The following ATP11A variants were observed in gnomAD, a reference collection of about 807,000 sequenced individuals.
The protein encoded by ATP11A is phospholipid-transporting ATPase IH.
A neutral mutation model predicts 154.4 loss-of-function variants in ATP11A; 81 were observed. That is an observed-to-expected ratio of 0.52 (90% CI 0.44 to 0.63). The LOEUF is 0.63. Ranked by LOEUF, ATP11A falls within the 30% of genes least tolerant of loss-of-function variation. The probability of loss-of-function intolerance (pLI) is 0.00; values close to 1 mark genes in which losing one functional copy is unlikely to be tolerated. For missense variants in ATP11A, 1,316 were observed against 1,474.3 expected (o/e 0.89, Z 1.76); for synonymous variants, 623 against 585.9 (o/e 1.06, Z -0.91).
At chr13:112,740,809 G>A (rs1238151736) in intron 1 of ATP11A, among the ~76,000 whole-genome samples, 1 of 152,210 alleles carries the variant, frequency 6.6e-6, no homozygotes, top group East Asian at 1.9e-4. Flanking sequence ...GGCTGTGCAG[G>A]AAAGATCTAG....
At position 112,845,467 on chromosome 13, in the gene ATP11A, T is replaced by C. The variant is rs568328596; in HGVS notation, c.1809+3088T>C. Among the ~76,000 whole-genome samples the C allele has an allele frequency of 1.3e-4, 13 of 101,240 alleles. 2 individuals are homozygous for C. The highest frequency in any genetic ancestry group is 7.7e-4 in the African/African-American group (13 of 16,880). 66.4% of individuals were successfully genotyped at this position (101,240 alleles called of 152,430 possible). ...CAGTTGCCAGCACTAGCGGTACTAT[T>C]CAGTCCAGTTGCCAGGCACTAGTGG... On this transcript the variant is annotated intron_variant, in intron 17 of 29. Transcript: ENST00000375645.
intron 1 of ATP11A, among the ~76,000 whole-genome samples, chr13:112,736,171 C>T (rs1250667151): frequency 1.3e-5 from 2 of 152,200 alleles, no homozygotes; most frequent in African/African-American, 4.8e-5. Context: ...GAGCCCTGAT[C>T]CAACCACACT....
chr13:112,751,658 A>AAAAACAAAAC (rs910520013), intron 1 of ATP11A, among the ~76,000 whole-genome samples: 1 of 151,756 alleles, frequency 6.6e-6, no homozygotes, highest in Non-Finnish European at 1.5e-5. Context: ...GCTCCATCTC[A>AAAAACAAAAC]AAAACAAAAC....
At chr13:112,787,369 C>T (rs1478923843) in intron 2 of ATP11A, among the ~76,000 whole-genome samples, 2 of 135,394 alleles carry the variant, frequency 1.5e-5, no homozygotes, top group South Asian at 2.2e-4. Context: ...TGCGTAGACT[C>T]CTGTGGAGAC....
At chr13:112,710,895 G>A (rs1411805769) in intron 1 of ATP11A, among the ~76,000 whole-genome samples, 1 of 151,934 alleles carries the variant, frequency 6.6e-6, no homozygotes, top group Non-Finnish European at 1.5e-5. Context: ...CCCGCGTCAT[G>A]TGAGGGGGCA....
At chr13:112,719,326 A>G (rs562375847) in intron 1 of ATP11A, among the ~76,000 whole-genome samples, 24 of 152,360 alleles carry the variant, frequency 1.6e-4, no homozygotes, top group African/African-American at 5.5e-4. Context: ...AATGCCTTGC[A>G]TGCCTTTGTT....
chr13:112,864,578 C>T (rs2080253154), intron 25 of ATP11A, among the ~76,000 whole-genome samples: 1 of 59,436 alleles, frequency 1.7e-5, no homozygotes, highest in South Asian at 5.8e-4. Context: ...AGCTTCCCAG[C>T]GGGGTCCATC....
At chr13:112,863,838 C>G (rs113014625) in intron 25 of ATP11A, among the ~76,000 whole-genome samples, 3 of 62,870 alleles carry the variant, frequency 4.8e-5, no homozygotes, top group Admixed American at 2.1e-4. Flanking sequence ...CCATCACCAC[C>G]TGCGCAGTAA....
At chr13:112,880,765 G>A (rs2080861806) in intron 29 of ATP11A, 2 of 1,163,196 alleles carry the variant, frequency 1.7e-6, no homozygotes, top group South Asian at 1.6e-5. Flanking sequence ...GTGAGAAAGA[G>A]CAGCCCTCTT....
At chr13:112,876,008 GT>G in intron 28 of ATP11A, 67 bp downstream of exon 28, 1 of 1,526,510 alleles carries the variant, frequency 6.6e-7, no homozygotes, top group Admixed American at 1.8e-5. Flanking sequence ...GGAGATGACC[GT>G]TTTGAAAGAC....
At chr13:112,823,550 C>A in intron 9 of ATP11A, 141 bp downstream of exon 9, 1 of 634,328 alleles carries the variant, frequency 1.6e-6, no homozygotes, top group Non-Finnish European at 2.7e-6. Context: ...AGTTCTGCCC[C>A]ACTGAGATTT....
At chr13:112,806,744 C>G (rs1217887724) in intron 4 of ATP11A, among the ~76,000 whole-genome samples, 1 of 152,042 alleles carries the variant, frequency 6.6e-6, no homozygotes, top group African/African-American at 2.4e-5. Context: ...CAGTTTTACT[C>G]TCTACGTATC....
intron 19 of ATP11A, among the ~76,000 whole-genome samples, chr13:112,855,690 C>G (rs910693702): frequency 1.3e-5 from 2 of 152,192 alleles, no homozygotes; most frequent in East Asian, 3.8e-4. Context: ...AGAGTCTGCA[C>G]TTGCTTTACC....
intron 1 of ATP11A, among the ~76,000 whole-genome samples, chr13:112,769,978 G>A (rs1025937996): frequency 1.6e-4 from 24 of 151,902 alleles, no homozygotes; most frequent in Admixed American, 2.0e-4. Flanking sequence ...TGAAATCAGC[G>A]TTACGTTTGC....
intron 8 of ATP11A, among the ~76,000 whole-genome samples, chr13:112,820,571 G>A (rs959004444): frequency 1.3e-5 from 2 of 152,204 alleles, no homozygotes; most frequent in Non-Finnish European, 1.5e-5. Flanking sequence ...CTATGGCCCC[G>A]AGGCAGCCTC....
intron 1 of ATP11A, among the ~76,000 whole-genome samples, chr13:112,705,929 C>T (rs996851516): frequency 6.6e-6 from 1 of 152,126 alleles, no homozygotes; most frequent in Non-Finnish European, 1.5e-5. Flanking sequence ...CATTGTGAAG[C>T]GTACAGTTCC....
At chr13:112,719,344 C>A (rs1047861819) in intron 1 of ATP11A, among the ~76,000 whole-genome samples, 1 of 152,194 alleles carries the variant, frequency 6.6e-6, no homozygotes, top group East Asian at 1.9e-4. Context: ...GTTATATTCT[C>A]ACGTAATCTT....
At chr13:112,870,898 C>T (rs537416333) in intron 25 of ATP11A, among the ~76,000 whole-genome samples, 17 of 152,302 alleles carry the variant, frequency 1.1e-4, no homozygotes, top group South Asian at 8.3e-4. Flanking sequence ...GCTGTCCTCA[C>T]GGGTCGGGCA....
chr13:112,715,619 C>G (rs1888372018), intron 1 of ATP11A, among the ~76,000 whole-genome samples: 1 of 131,390 alleles, frequency 7.6e-6, no homozygotes, highest in Non-Finnish European at 1.6e-5. Flanking sequence ...GTCACACTGC[C>G]CCTCCTCCCC....
Sources: allele counts gnomAD v4.1 joint callset (sites outside exome capture counted in the v4.1 genomes callset), GRCh38; gene constraint gnomAD v4.1.1; transcripts MANE v1.5; gene names NCBI Gene and HGNC (gene_info 2026-07-23, HGNC 2026-07-21).